KLHL22: variants seen among roughly 807,000 people sequenced by gnomAD.
KLHL22 encodes kelch like family member 22, also known as kelch-like protein 22.
A neutral mutation model predicts 60.7 loss-of-function variants in KLHL22; 18 were observed. The observed-to-expected ratio is 0.30, with a 90% CI of 0.20 to 0.44. The LOEUF is 0.44. KLHL22 is among the 20% of genes least tolerant of loss of function. KLHL22 has a pLI of 1.00. For missense variants in KLHL22, 596 were observed against 852.3 expected, an observed-to-expected ratio of 0.70 and a Z score of 3.74; for synonymous variants, 355 against 354.5, an observed-to-expected ratio of 1.00 and a Z score of -0.01.
At chr22:20,452,868 C>T (rs1031335555) in intron 5 of KLHL22, among the ~76,000 whole-genome samples, 2 of 152,244 alleles carry the variant, frequency 1.3e-5, no homozygotes, top group African/African-American at 4.8e-5. Flanking sequence ...TAGAAGCACA[C>T]TTCTGCCAAG....
chr22:20,469,281 G>C (rs1233257876), intron 3 of KLHL22, among the ~76,000 whole-genome samples: 1 of 152,158 alleles, frequency 6.6e-6, no homozygotes, highest in Admixed American at 6.5e-5. Flanking sequence ...ATGGACGCAG[G>C]GAATTAAGAA....
chr22:20,453,237 C>CAA (rs540715156), intron 5 of KLHL22, among the ~76,000 whole-genome samples: 3 of 144,560 alleles, frequency 2.1e-5, no homozygotes, highest in Non-Finnish European at 3.0e-5. Flanking sequence ...TCAATGGTCT[C>CAA]AAAAAAAAAA....
chr22:20,444,402 G>C (rs905793405), intron 6 of KLHL22, among the ~76,000 whole-genome samples: 7 of 152,256 alleles, frequency 4.6e-5, no homozygotes, highest in Admixed American at 4.6e-4. Context: ...TGTTTGTGGT[G>C]ATAGGTTACT....
rs373085414 is a variant in KLHL22 at position 20,442,194 on chromosome 22, C to A, written c.1784G>T (p.Arg595Leu). The A allele has an allele frequency of 1.3e-6, 2 of 1,585,444 alleles. No individual in the cohort carries two copies. The highest frequency in any genetic ancestry group is 1.7e-6 in the Non-Finnish European group (2 of 1,164,008). The change falls in exon 7 of 7, where the codon CGC becomes CTC. Residue 595 changes from arginine to leucine, a missense_variant. Arg to Leu is a moderately radical substitution (Grantham distance 102). Transcript: ENST00000328879. ...GLAACVLTLPRSLLLEPPRGT... is the reference protein window; with the variant it reads ...GLAACVLTLPLSLLLEPPRGT... ...GCGGGGCGGCTCAAGGAGCAGGGAGCGGGGCAGGGTGAGCACACAGGCCGC... is the reference window on the plus strand; with the variant it reads ...GCGGGGCGGCTCAAGGAGCAGGGAGAGGGGCAGGGTGAGCACACAGGCCGC...
At chr22:20,464,443 CA>C (rs2053199204) in intron 4 of KLHL22, among the ~76,000 whole-genome samples, 2 of 152,170 alleles carry the variant, frequency 1.3e-5, no homozygotes, top group East Asian at 3.9e-4. Context: ...ACTGAAACAA[CA>C]TGCATCAAAG....
At chr22:20,452,505 C>G (rs185525756) in intron 5 of KLHL22, among the ~76,000 whole-genome samples, 21 of 152,274 alleles carry the variant, frequency 1.4e-4, no homozygotes, top group African/African-American at 5.1e-4. Context: ...ATTACATAAC[C>G]TGGAAGACTG....
chr22:20,484,928 C>T (rs1330314304), intron 2 of KLHL22, among the ~76,000 whole-genome samples: 2 of 151,726 alleles, frequency 1.3e-5, no homozygotes, highest in East Asian at 3.9e-4. Flanking sequence ...TTTTCTTTTT[C>T]TGAAACTGCT....
In KLHL22 at chr22:20,489,074, G is replaced by A. The variant is rs935842382; in HGVS notation, c.138C>T (p.Ser46=). Residue 46 remains serine, a synonymous_variant, in exon 2 of 7, where the codon AGC becomes AGT. Transcript: ENST00000328879. ...CCAGCACAACATCGAAGAGGATTCCGCTGTCCCGGAGAGCCAGCAGCCCTC... is the reference window on the plus strand; with the variant it reads ...CCAGCACAACATCGAAGAGGATTCCACTGTCCCGGAGAGCCAGCAGCCCTC... The part of the protein sequence containing the change: ...LLRGLLALRD[S]GILFDVVLVV... The A allele has an allele frequency of 1.3e-5, 21 of 1,613,912 alleles. No homozygotes were observed. The highest frequency in any genetic ancestry group is 9.3e-5 in the African/African-American group (7 of 74,928).
intron 2 of KLHL22, among the ~76,000 whole-genome samples, chr22:20,486,166 C>CAA (rs200248872): frequency 0.21 from 17,139 of 82,316 alleles, 1,705 homozygotes; most frequent in Non-Finnish European, 0.29. Context: ...GATTCCGTCT[C>CAA]AAAAAAAAAA....
intron 5 of KLHL22, chr22:20,451,680 A>G: frequency 6.9e-6 from 11 of 1,603,648 alleles, no homozygotes; most frequent in Non-Finnish European, 8.5e-6. Context: ...TTCGGGGGAG[A>G]CTCTATGCAA....
chr22:20,484,019 G>T, intron 2 of KLHL22: 2 of 755,078 alleles, frequency 2.6e-6, no homozygotes, highest in South Asian at 2.8e-5. Flanking sequence ...CCACGCTGCT[G>T]ACCAGCCAGG....
intron 1 of KLHL22, among the ~76,000 whole-genome samples, chr22:20,492,869 G>A (rs1201843424): frequency 2.6e-5 from 4 of 152,182 alleles, no homozygotes; most frequent in African/African-American, 7.2e-5. Context: ...TGGGATTACA[G>A]GCATGAGCCA....
chr22:20,480,275 T>C (rs977614913), intron 2 of KLHL22, among the ~76,000 whole-genome samples: 4 of 152,236 alleles, frequency 2.6e-5, no homozygotes, highest in Non-Finnish European at 4.4e-5. Flanking sequence ...GAGATCTGTT[T>C]CGTAATAATG....
chr22:20,489,117 T>C lies in KLHL22; in HGVS notation c.95A>G (p.His32Arg). ...CAGCCCTCGGAGCAGAGCCTGGGAG[T>C]GCTGTGCGCTGCGGTAGGTGTTGTT... Reference protein sequence around the residue: ...CVNNTYRSAQHSQALLRGLLA... With the variant: ...CVNNTYRSAQRSQALLRGLLA... Residue 32 changes from histidine to arginine, a missense_variant, in exon 2 of 7, where the codon CAC becomes CGC. Physicochemically the swap from His to Arg is conservative, Grantham distance 29. Transcript: ENST00000328879. 1.2e-6 allele frequency: 2 copies of C among 1,613,928 alleles called. No individual in the cohort carries two copies. Among genetic ancestry groups the C allele is most frequent in the Non-Finnish European group, 1.7e-6 (2 of 1,179,992 alleles).
rs1348694669 is a variant in KLHL22 at position 20,471,532 on chromosome 22, C to A, written c.228-17G>T. The A allele has an allele frequency of 6.2e-7, 1 of 1,611,292 alleles. No individual in the cohort carries two copies. ...AACATTCCTCTGCAAAGTGAAGACACAAGAAAATGGAGTTATACCAACAGG... is the reference window on the plus strand; with the variant it reads ...AACATTCCTCTGCAAAGTGAAGACAAAAGAAAATGGAGTTATACCAACAGG... On this transcript the variant is annotated splice_polypyrimidine_tract_variant and intron_variant, in intron 2 of 6. Coordinates refer to ENST00000328879, the MANE Select transcript of KLHL22 (RefSeq NM_032775.4).
chr22:20,455,255 C>T (rs1342210249), intron 5 of KLHL22, among the ~76,000 whole-genome samples: 1 of 152,216 alleles, frequency 6.6e-6, no homozygotes, highest in East Asian at 1.9e-4. Flanking sequence ...CTCCACGCTA[C>T]ACTCTGAACC....
At chr22:20,494,074 G>GCCC (rs35792870) in intron 1 of KLHL22, among the ~76,000 whole-genome samples, 11,714 of 121,346 alleles carry the variant, frequency 0.097, 796 homozygotes, top group Non-Finnish European at 0.14. Context: ...GCCAGACTTT[G>GCCC]CCCCCCCCCC....
At chr22:20,489,838 G>A in intron 1 of KLHL22, 1 of 470,064 alleles carries the variant, frequency 2.1e-6, no homozygotes, top group Non-Finnish European at 4.4e-6. Flanking sequence ...CATTTCCAGG[G>A]CCTACTTTCC....
chr22:20,493,459 G>C (rs946056707), intron 1 of KLHL22, among the ~76,000 whole-genome samples: 4 of 152,216 alleles, frequency 2.6e-5, no homozygotes, highest in Non-Finnish European at 5.9e-5. Context: ...ATGGCACAGT[G>C]ATCTGACAGA....
Sources: gnomAD v4.1 joint callset for allele counts (sites outside exome capture counted in the v4.1 genomes callset) on GRCh38, gnomAD v4.1.1 for gene constraint, MANE v1.5 for transcripts, NCBI Gene and HGNC (gene_info 2026-07-23, HGNC 2026-07-21) for gene names.